RPS6KA6: variants seen among roughly 807,000 people sequenced by gnomAD.
The protein encoded by RPS6KA6 is ribosomal protein S6 kinase alpha-6.
In RPS6KA6, 27 loss-of-function variants were observed where a neutral mutation model predicts 65.4. The ratio of observed to expected loss-of-function variants is 0.41; its 90% CI spans 0.30 to 0.57. The LOEUF (loss-of-function observed/expected upper bound fraction) is 0.57, where lower values mean the gene tolerates loss of function less well. RPS6KA6 is among the 20% of genes least tolerant of loss of function. The pLI is 0.24. For synonymous variants in RPS6KA6, 190 were observed against 184.2 expected (o/e 1.03, Z -0.26); for missense variants, 486 against 555.6 (o/e 0.87, Z 1.26).
chrX:84,174,766 ATC>A (rs1569244861), intron 1 of RPS6KA6, among the ~76,000 whole-genome samples: 1 of 111,449 alleles, frequency 9.0e-6, no homozygotes, highest in Non-Finnish European at 1.9e-5. Flanking sequence ...TGTCTCTTCC[ATC>A]TCTCTATCAT....
chrX:84,151,091 TAGAGG>T (rs746924151), intron 3 of RPS6KA6, among the ~76,000 whole-genome samples: 1 of 96,905 alleles, frequency 1.0e-5, no homozygotes, highest in South Asian at 4.7e-4. Flanking sequence ...GATAGATATA[TAGAGG>T]ATAGATATAT....
Position 84,060,423 on chromosome X carries a change from G to A in RPS6KA6, c.*3854C>T, listed in dbSNP as rs763887199. 1.1e-5 allele frequency: 1 copy of A among 94,438 alleles called. No individual in the cohort carries two copies. Among genetic ancestry groups the A allele is most frequent in the African/African-American group, 4.0e-5 (1 of 24,731 alleles). The allele number at this position is 94,438 out of a possible 1,213,427, so 7.8% of individuals were successfully genotyped here. ...TGGAAAAATTTGGACTCCATGAGTA[G>A]TTTGGATTCAATCTCTCTGTGCTTT... On this transcript the variant is annotated 3_prime_UTR_variant, in exon 22 of 22. Coordinates refer to ENST00000262752, the MANE Select transcript of RPS6KA6 (RefSeq NM_014496.5).
At chrX:84,132,118 T>C (rs1203976106) in intron 8 of RPS6KA6, among the ~76,000 whole-genome samples, 4 of 111,884 alleles carry the variant, frequency 3.6e-5, no homozygotes, top group Non-Finnish European at 5.6e-5. Flanking sequence ...TTCTGAATTA[T>C]GTCTCTCAGA....
At chrX:84,115,864 C>T (rs1454421597) in intron 12 of RPS6KA6, among the ~76,000 whole-genome samples, 3 of 111,004 alleles carry the variant, frequency 2.7e-5, no homozygotes, top group South Asian at 7.5e-4. Context: ...ATCAAATATC[C>T]CATGTTCTCA....
intron 8 of RPS6KA6, among the ~76,000 whole-genome samples, chrX:84,130,056 C>T (rs1237593217): frequency 9.0e-6 from 1 of 110,835 alleles, no homozygotes; most frequent in Non-Finnish European, 1.9e-5. Context: ...CCCCATTTAC[C>T]CTGATGTGAT....
intron 12 of RPS6KA6, among the ~76,000 whole-genome samples, chrX:84,115,484 A>G (rs759254543): frequency 2.7e-5 from 3 of 112,163 alleles, no homozygotes; most frequent in Non-Finnish European, 5.6e-5. Context: ...GGGAGAAAAC[A>G]GGTACACTTA....
chrX:84,134,373 A>G (rs977373635), intron 8 of RPS6KA6, among the ~76,000 whole-genome samples: 1 of 111,271 alleles, frequency 9.0e-6, no homozygotes, highest in Admixed American at 9.6e-5. Context: ...CTACTGTATG[A>G]TTCTATTTCT....
At chrX:84,130,685 C>T (rs1403046077) in intron 8 of RPS6KA6, among the ~76,000 whole-genome samples, 1 of 111,607 alleles carries the variant, frequency 9.0e-6, no homozygotes, top group African/African-American at 3.3e-5. Flanking sequence ...AAAAAACACT[C>T]ACTGATACAG....
chrX:84,112,844 G>T (rs1056141046), intron 12 of RPS6KA6, among the ~76,000 whole-genome samples: 1 of 111,040 alleles, frequency 9.0e-6, no homozygotes, highest in Non-Finnish European at 1.9e-5. Context: ...ATGAGATTGC[G>T]ACCAAAAAAA....
chrX:84,078,751 G>C (rs1446531351), intron 20 of RPS6KA6, among the ~76,000 whole-genome samples: 1 of 111,509 alleles, frequency 9.0e-6, no homozygotes, highest in South Asian at 3.8e-4. Flanking sequence ...CAGCACAACT[G>C]TGTGTGCCAG....
chrX:84,150,072 T>A (rs748898593), intron 3 of RPS6KA6, among the ~76,000 whole-genome samples: 39 of 68,073 alleles, frequency 5.7e-4, no homozygotes, highest in Admixed American at 1.3e-3. Flanking sequence ...GTTACGAAAA[T>A]GGCTTCTTTC....
At chrX:84,104,417 T>G (rs1602409609) in intron 17 of RPS6KA6, 82 bp downstream of exon 17, 1 of 596,280 alleles carries the variant, frequency 1.7e-6, no homozygotes, top group South Asian at 7.3e-5. Flanking sequence ...TAAAAGCAAC[T>G]TATTTTAGGT....
At chrX:84,101,420 C>A (rs956568458) in intron 18 of RPS6KA6, among the ~76,000 whole-genome samples, 2 of 110,190 alleles carry the variant, frequency 1.8e-5, no homozygotes, top group Non-Finnish European at 3.8e-5. Flanking sequence ...GACTCTTCTC[C>A]CTAAGAGCAT....
At position 84,058,405 on chromosome X, in the gene RPS6KA6, A is replaced by G. The variant is rs1490456420; in HGVS notation, c.*5872T>C. The G allele has an allele frequency of 2.7e-5, 3 of 112,302 alleles. No homozygotes were observed. Among genetic ancestry groups the G allele is most frequent in the Non-Finnish European group, 3.8e-5 (2 of 53,320 alleles). The allele number at this position is 112,302 out of a possible 1,213,427, so 9.3% of individuals were successfully genotyped here. A position where few individuals can be genotyped will look rare whatever the true frequency, so the allele number is the denominator to read the frequency against. On this transcript the variant is annotated 3_prime_UTR_variant, in exon 22 of 22. Transcript: ENST00000262752. ...ACCCAGAGAATGCCAGTAATTTAAC[A>G]TATCTTGAGAACTGTTGCTCACAGA...
chrX:84,157,624 A>G (rs1349651084), intron 2 of RPS6KA6, among the ~76,000 whole-genome samples: 1 of 110,671 alleles, frequency 9.0e-6, no homozygotes, highest in Non-Finnish European at 1.9e-5. Context: ...TCACATGACA[A>G]AGGGGTTTTG....
intron 8 of RPS6KA6, among the ~76,000 whole-genome samples, chrX:84,133,946 T>C (rs935410116): frequency 8.9e-6 from 1 of 112,562 alleles, no homozygotes; most frequent in Non-Finnish European, 1.9e-5. Flanking sequence ...TATTTTTGCA[T>C]TGATGCAGTA....
At chrX:84,092,465 T>A (rs1270850753) in intron 20 of RPS6KA6, among the ~76,000 whole-genome samples, 2 of 109,270 alleles carry the variant, frequency 1.8e-5, no homozygotes, top group Non-Finnish European at 3.8e-5. Context: ...CTACTGAATA[T>A]ACAAAAATTA....
rs778604141 is a variant in RPS6KA6 at position 84,145,238 on chromosome X, G to T, written c.501+240C>A. Among the ~76,000 whole-genome samples, 5 of 110,934 alleles carry T rather than the reference G, an allele frequency of 4.5e-5. No individual in the cohort carries two copies. The South Asian group carries it at 1.9e-3, about 42-fold the overall frequency. ...GGTAGCTTGAGTAGCCAAAGTCCTA[G>T]GCTTGCCCGTATCTACTTTATCCAG... is the stretch of plus-strand genomic sequence containing the variant. On this transcript the variant is annotated intron_variant, in intron 6 of 21. Transcript: ENST00000262752.
At chrX:84,170,360 T>C (rs898425570) in intron 1 of RPS6KA6, among the ~76,000 whole-genome samples, 21 of 110,749 alleles carry the variant, frequency 1.9e-4, no homozygotes, top group Admixed American at 1.6e-3. Context: ...CCAGGCATAG[T>C]GGCTCACGTC....
Sources: gnomAD v4.1 joint callset for allele counts (sites outside exome capture counted in the v4.1 genomes callset) on GRCh38, gnomAD v4.1.1 for gene constraint, MANE v1.5 for transcripts, NCBI Gene and HGNC (gene_info 2026-07-23, HGNC 2026-07-21) for gene names.